Variants in HECW1 observed in about 807,000 individuals in gnomAD.
HECW1 encodes HECT, C2 and WW domain containing E3 ubiquitin protein ligase 1, also known as E3 ubiquitin-protein ligase HECW1.
Under a neutral mutation model 182.3 loss-of-function variants are expected in HECW1, and 61 were observed. The ratio of observed to expected loss-of-function variants is 0.33; its 90% CI spans 0.27 to 0.41. HECW1 has a LOEUF of 0.41. HECW1 is among the 10% of genes least tolerant of loss of function. The probability of loss-of-function intolerance (pLI) is 1.00; values close to 1 mark genes in which losing one functional copy is unlikely to be tolerated. For missense variants in HECW1, 1,739 were observed against 2,108.9 expected (o/e 0.82, Z 3.44); for synonymous variants, 859 against 832.6 (o/e 1.03, Z -0.55).
At chr7:43,328,762 G>GCCGGCTT (rs1811108625) in intron 5 of HECW1, among the ~76,000 whole-genome samples, 1 of 152,218 alleles carries the variant, frequency 6.6e-6, no homozygotes, top group Non-Finnish European at 1.5e-5. Flanking sequence ...AAACGATGGT[G>GCCGGCTT]CCGGCTTCCA....
At chr7:43,375,601 A>T (rs1240304619) in intron 6 of HECW1, among the ~76,000 whole-genome samples, 7 of 152,152 alleles carry the variant, frequency 4.6e-5, no homozygotes, top group Non-Finnish European at 8.8e-5. Context: ...ACTTGTTTTT[A>T]AAAAAGCTCC....
chr7:43,495,275 C>G (rs2079075807), intron 19 of HECW1, among the ~76,000 whole-genome samples: 1 of 151,652 alleles, frequency 6.6e-6, no homozygotes, highest in African/African-American at 2.4e-5. Flanking sequence ...CCCCCATTCC[C>G]CAACAGGCCC....
chr7:43,362,131 C>CAAA (rs34879817), intron 6 of HECW1, among the ~76,000 whole-genome samples: 145 of 87,584 alleles, frequency 1.7e-3, no homozygotes, highest in Non-Finnish European at 2.0e-3. Flanking sequence ...AACTCCGTCT[C>CAAA]AAAAAAAAAA....
chr7:43,537,266 T>C (rs1389784191), intron 24 of HECW1, among the ~76,000 whole-genome samples: 2 of 152,172 alleles, frequency 1.3e-5, no homozygotes, highest in African/African-American at 4.8e-5. Flanking sequence ...TCCTGTAGGG[T>C]CTTATTTTAC....
intron 5 of HECW1, among the ~76,000 whole-genome samples, chr7:43,341,792 C>G (rs1444893943): frequency 6.6e-6 from 1 of 151,658 alleles, no homozygotes; most frequent in Non-Finnish European, 1.5e-5. Flanking sequence ...TTAGATGATA[C>G]CTGTATCAAA....
chr7:43,165,987 G>A (rs747262524), intron 2 of HECW1, among the ~76,000 whole-genome samples: 2 of 152,202 alleles, frequency 1.3e-5, no homozygotes, highest in African/African-American at 2.4e-5. Context: ...AGCTCCTGCC[G>A]TGGTTCAAGC....
intron 2 of HECW1, among the ~76,000 whole-genome samples, chr7:43,198,278 TCA>T (rs989925561): frequency 6.4e-5 from 9 of 140,342 alleles, no homozygotes; most frequent in Non-Finnish European, 9.3e-5. Flanking sequence ...CACCCCACAC[TCA>T]CACACCACAC....
At chr7:43,229,633 T>C (rs544273333) in intron 2 of HECW1, among the ~76,000 whole-genome samples, 2 of 123,502 alleles carry the variant, frequency 1.6e-5, no homozygotes, top group South Asian at 4.9e-4. Flanking sequence ...AAAATAAAAG[T>C]TAAAAAAAAA....
In HECW1 at chr7:43,346,259, T is replaced by A. The variant is rs147733618; in HGVS notation, c.461-14627T>A. Among the ~76,000 whole-genome samples the A allele has an allele frequency of 5.8e-3, 887 of 152,332 alleles. 4 individuals are homozygous for A. Among genetic ancestry groups the A allele is most frequent in the African/African-American group, 0.02 (839 of 41,586 alleles). On this transcript the variant is annotated intron_variant, in intron 5 of 29. Transcript: ENST00000395891. Reference sequence around the variant, plus strand: ...CCCTGATAATTAGTGATGTTGAGTATTTTTTCATATGTTTGTTGGCCATTT... The same window carrying A: ...CCCTGATAATTAGTGATGTTGAGTAATTTTTCATATGTTTGTTGGCCATTT...
At position 43,120,392 on chromosome 7, in the gene HECW1, C is replaced by T. The variant is rs150483761; in HGVS notation, c.-32+6001C>T. 1.2e-3 allele frequency among the ~76,000 whole-genome samples: 188 copies of T among 152,214 alleles called. 6 individuals carry two copies. The East Asian group carries it at 0.027, about 22-fold the overall frequency. On this transcript the variant is annotated intron_variant, in intron 2 of 29. Transcript: ENST00000395891. ...TGCTTTTTCTTCATACCACTTAGCA[C>T]CACGCAATTTGTTACATAGTTTCTG...
At chr7:43,365,133 G>C (rs937775611) in intron 6 of HECW1, among the ~76,000 whole-genome samples, 39 of 152,210 alleles carry the variant, frequency 2.6e-4, no homozygotes, top group Non-Finnish European at 2.9e-5. Flanking sequence ...ATCTGTAGGG[G>C]CTGCTGGAGG....
chr7:43,458,752 C>T (rs1287214559), intron 13 of HECW1, among the ~76,000 whole-genome samples: 1 of 152,086 alleles, frequency 6.6e-6, no homozygotes, highest in Admixed American at 6.5e-5. Context: ...GTCTTCTATC[C>T]ATCTCACATG....
At chr7:43,478,075 A>G (rs1297982856) in intron 16 of HECW1, among the ~76,000 whole-genome samples, 3 of 152,210 alleles carry the variant, frequency 2.0e-5, no homozygotes, top group Non-Finnish European at 4.4e-5. Context: ...CAATGTTGCC[A>G]TATATTGGAA....
At chr7:43,280,411 G>A (rs57779448) in intron 3 of HECW1, among the ~76,000 whole-genome samples, 13,996 of 152,098 alleles carry the variant, frequency 0.092, 1,946 homozygotes, top group African/African-American at 0.3. Context: ...AAAAAAGGGC[G>A]ATTAAAATGC....
chr7:43,334,186 C>T (rs539399403), intron 5 of HECW1, among the ~76,000 whole-genome samples: 180 of 152,270 alleles, frequency 1.2e-3, no homozygotes, highest in Non-Finnish European at 2.1e-3. Context: ...TGAGTACTTT[C>T]GCAGCTTCTG....
At chr7:43,483,138 A>T (rs1266719427) in intron 17 of HECW1, among the ~76,000 whole-genome samples, 1 of 152,086 alleles carries the variant, frequency 6.6e-6, no homozygotes, top group Non-Finnish European at 1.5e-5. Context: ...TGCTGCATGG[A>T]AGAGTTGGAA....
chr7:43,360,106 A>G (rs1434657238), intron 5 of HECW1, among the ~76,000 whole-genome samples: 2 of 152,196 alleles, frequency 1.3e-5, no homozygotes, highest in African/African-American at 4.8e-5. Context: ...AACAGGGGGT[A>G]CAGGGACTTA....
chr7:43,315,117 G>A (rs1258215643), intron 4 of HECW1, among the ~76,000 whole-genome samples: 1 of 152,218 alleles, frequency 6.6e-6, no homozygotes, highest in South Asian at 2.1e-4. Context: ...AAATAGGACT[G>A]TTCTGACATA....
intron 6 of HECW1, among the ~76,000 whole-genome samples, chr7:43,369,144 G>C (rs1161159166): frequency 6.6e-6 from 1 of 152,090 alleles, no homozygotes; most frequent in Non-Finnish European, 1.5e-5. Context: ...AAATATAAAT[G>C]TCACTCTTTG....
Sources: allele counts gnomAD v4.1 joint callset (sites outside exome capture counted in the v4.1 genomes callset), GRCh38; gene constraint gnomAD v4.1.1; transcripts MANE v1.5; gene names NCBI Gene and HGNC (gene_info 2026-07-23, HGNC 2026-07-21).